The following LIPC variants were observed in gnomAD, a reference collection of about 807,000 sequenced individuals.
LIPC encodes hepatic triacylglycerol lipase.
A neutral mutation model predicts 50.7 loss-of-function variants in LIPC; 44 were observed. That is an observed-to-expected ratio of 0.87 (90% confidence interval 0.68 to 1.11). The LOEUF (loss-of-function observed/expected upper bound fraction) is 1.11. LIPC is among the 50% of genes most tolerant of loss of function. The pLI is 0.00. For missense variants in LIPC, 697 were observed against 648.2 expected (o/e 1.08, Z -0.82); for synonymous variants, 271 against 256.4 (o/e 1.06, Z -0.54).
intron 1 of LIPC, among the ~76,000 whole-genome samples, chr15:58,520,979 G>C (rs981677937): frequency 2.0e-5 from 3 of 152,198 alleles, no homozygotes; most frequent in African/African-American, 7.2e-5. Flanking sequence ...TTTAAGATGA[G>C]GGCGAAACAA....
rs5812941 is a variant in LIPC at position 58,508,734 on chromosome 15, G to T, written c.89-29599G>T. Among the ~76,000 whole-genome samples the T allele has an allele frequency of 7.6e-4, 6 of 7,940 alleles. No homozygotes were observed. The African/African-American group carries it at 8.6e-3, about 11-fold the overall frequency. The allele number at this position is 7,940 out of a possible 152,430, so 5.2% of individuals were successfully genotyped here. On this transcript the variant is annotated intron_variant, in intron 1 of 8. Coordinates refer to ENST00000299022, the MANE Select transcript of LIPC (RefSeq NM_000236.3). ...TTCTCATTAGTCCCAGTTTTTTTTT[G>T]GACACCTTTTCCTCCGCATTCACAT...
chr15:58,568,600 TAA>T, intron 8 of LIPC, 114 bp from the exon 9 acceptor site: 1 of 698,608 alleles, frequency 1.4e-6, no homozygotes, highest in South Asian at 1.6e-5. Context: ...GAATCTAACT[TAA>T]AAAAAGACAT....
chr15:58,451,486 G>A (rs1000708166), intron 1 of LIPC, among the ~76,000 whole-genome samples: 15 of 152,004 alleles, frequency 9.9e-5, no homozygotes, highest in African/African-American at 3.4e-4. Context: ...TCAGTCCTTG[G>A]AACTCAAACT....
Position 58,473,184 on chromosome 15 carries a change from G to T in LIPC, c.88+41064G>T, listed in dbSNP as rs77231508. On this transcript the variant is annotated intron_variant, in intron 1 of 8. Transcript: ENST00000299022. ...AGGCTGCTGGGGGCCTGTGTTTCCT[G>T]CATTTCCTATGTTTATGCTGCCAGG... Among the ~76,000 whole-genome samples the T allele has an allele frequency of 7.3e-3, 1,105 of 152,174 alleles. 23 individuals are homozygous for T. The highest frequency in any genetic ancestry group is 0.047 in the East Asian group (242 of 5,162).
chr15:58,474,381 G>C (rs139123178), intron 1 of LIPC, among the ~76,000 whole-genome samples: 2 of 152,214 alleles, frequency 1.3e-5, no homozygotes, highest in East Asian at 3.9e-4. Context: ...AGCTGGGCTT[G>C]ATGGTCCCAC....
At chr15:58,461,597 T>TC (rs1566915327) in intron 1 of LIPC, among the ~76,000 whole-genome samples, 1 of 151,696 alleles carries the variant, frequency 6.6e-6, no homozygotes, top group Non-Finnish European at 1.5e-5. Context: ...TTTTTTTTTT[T>TC]AGTAGATATG....
At chr15:58,539,252 T>C (rs780072331) in intron 2 of LIPC, among the ~76,000 whole-genome samples, 9 of 152,356 alleles carry the variant, frequency 5.9e-5, no homozygotes, top group Non-Finnish European at 1.3e-4. Context: ...ACTTATCCAT[T>C]TCAAGTTTAC....
At chr15:58,476,925 G>T (rs536006191) in intron 1 of LIPC, among the ~76,000 whole-genome samples, 1 of 152,258 alleles carries the variant, frequency 6.6e-6, no homozygotes, top group African/African-American at 2.4e-5. Context: ...CCCAGGGCAC[G>T]TCCTGCTCTC....
At chr15:58,517,535 GT>G (rs1892521703) in intron 1 of LIPC, among the ~76,000 whole-genome samples, 1 of 152,208 alleles carries the variant, frequency 6.6e-6, no homozygotes, top group Admixed American at 6.5e-5. Flanking sequence ...ACAAGTTTCA[GT>G]GTGGAGAGCT....
chr15:58,444,088 G>T (rs747616091), intron 1 of LIPC, among the ~76,000 whole-genome samples: 1 of 152,176 alleles, frequency 6.6e-6, no homozygotes, highest in Non-Finnish European at 1.5e-5. Context: ...GCTCAGCTTG[G>T]GCTCAGAGGC....
At chr15:58,566,164 C>T (rs78455201) in intron 8 of LIPC, 1 of 984,942 alleles carries the variant, frequency 1.0e-6, no homozygotes, top group Non-Finnish European at 1.2e-6. Flanking sequence ...GGTCAACAGA[C>T]CACACTTTGA....
intron 1 of LIPC, among the ~76,000 whole-genome samples, chr15:58,474,453 G>C (rs528694454): frequency 1.1e-4 from 16 of 149,630 alleles, no homozygotes; most frequent in Non-Finnish European, 2.4e-4. Context: ...CAAGGCTGCA[G>C]TGAGCCATGA....
At chr15:58,487,257 T>C (rs1891411159) in intron 1 of LIPC, among the ~76,000 whole-genome samples, 1 of 152,202 alleles carries the variant, frequency 6.6e-6, no homozygotes, top group Non-Finnish European at 1.5e-5. Flanking sequence ...AAGTAGCTAA[T>C]GACTTAACCT....
intron 5 of LIPC, 49 bp from the exon 6 acceptor site, chr15:58,548,281 G>T (rs1893607263): frequency 6.2e-7 from 1 of 1,613,264 alleles, no homozygotes; most frequent in East Asian, 2.2e-5. Context: ...CTGAGTTGAG[G>T]CTGCTTTGGG....
At chr15:58,529,016 T>G (rs1344658719) in intron 1 of LIPC, among the ~76,000 whole-genome samples, 3 of 152,196 alleles carry the variant, frequency 2.0e-5, no homozygotes, top group Non-Finnish European at 2.9e-5. Context: ...TTGACTGTGA[T>G]GTCGAAGGTC....
In LIPC at chr15:58,451,244, T is replaced by A. The variant is rs192867148; in HGVS notation, c.88+19124T>A. Among the ~76,000 whole-genome samples, 348 of 152,142 alleles carry A rather than the reference T, an allele frequency of 2.3e-3. 1 individual carries two copies. The highest frequency in any genetic ancestry group is 8.3e-3 in the African/African-American group (343 of 41,506). ...GTGGGGTGGAGGAAAGTCAACATAT[T>A]TGGAGATACGAAAAAGGCAGGTAAG... On this transcript the variant is annotated intron_variant, in intron 1 of 8. Transcript: ENST00000299022.
chr15:58,536,094 G>A (rs73412735), intron 1 of LIPC, among the ~76,000 whole-genome samples: 1,782 of 152,304 alleles, frequency 0.012, 36 homozygotes, highest in African/African-American at 0.041. Context: ...TGCAGGGCAA[G>A]TGTATTAGGA....
At chr15:58,477,351 C>A (rs190867643) in intron 1 of LIPC, among the ~76,000 whole-genome samples, 248 of 152,318 alleles carry the variant, frequency 1.6e-3, no homozygotes, top group Non-Finnish European at 3.0e-3. Context: ...CACCACAGTT[C>A]CGGGGCTGGA....
intron 1 of LIPC, among the ~76,000 whole-genome samples, chr15:58,510,266 A>G (rs1180734890): frequency 6.6e-6 from 1 of 152,358 alleles, no homozygotes; most frequent in East Asian, 1.9e-4. Context: ...ATATCTTACA[A>G]TGCTGTGGGC....
Sources: allele counts gnomAD v4.1 joint callset (sites outside exome capture counted in the v4.1 genomes callset), GRCh38; gene constraint gnomAD v4.1.1; transcripts MANE v1.5; gene names NCBI Gene and HGNC (gene_info 2026-07-23, HGNC 2026-07-21).